SRPK2: variants seen among roughly 807,000 people sequenced by gnomAD.
The protein encoded by SRPK2 is SFRS protein kinase 2.
Under a neutral mutation model 90.8 loss-of-function variants are expected in SRPK2, and 21 were observed. That is an observed-to-expected ratio of 0.23 (90% CI 0.16 to 0.33). The LOEUF is 0.33. SRPK2 is among the 10% of genes least tolerant of loss of function. The pLI is 1.00. For synonymous variants in SRPK2, 288 were observed against 311.1 expected (o/e 0.93, Z 0.78); for missense variants, 620 against 869.0 (o/e 0.71, Z 3.60).
chr7:105,293,500 C>A (rs1429058605), intron 2 of SRPK2, among the ~76,000 whole-genome samples: 1 of 152,024 alleles, frequency 6.6e-6, no homozygotes, highest in Admixed American at 6.5e-5. Context: ...CCTCCACCCC[C>A]CACCCCGCCC....
upstream of SRPK2, chr7:105,389,529 ACAG>A (rs1201568993): frequency 4.0e-4 from 292 of 726,336 alleles, 1 homozygote; most frequent in Non-Finnish European, 4.0e-4. Context: ...AGGAAAAGAT[ACAG>A]ATAGCATTCA....
intron 2 of SRPK2, among the ~76,000 whole-genome samples, chr7:105,257,167 T>G (rs1406700271): frequency 6.6e-6 from 1 of 152,214 alleles, no homozygotes; most frequent in African/African-American, 2.4e-5. Flanking sequence ...AAGTGGCTAG[T>G]GCATAGCAGC....
intron 1 of SRPK2, among the ~76,000 whole-genome samples, chr7:105,397,435 T>G (rs1255768770): frequency 1.3e-5 from 2 of 151,580 alleles, no homozygotes; most frequent in African/African-American, 4.9e-5. Context: ...GTTCAAACAA[T>G]TCTCCTGCCT....
chr7:105,255,901 G>C (rs1022848786), intron 2 of SRPK2, among the ~76,000 whole-genome samples: 29 of 151,202 alleles, frequency 1.9e-4, no homozygotes, highest in African/African-American at 6.8e-4. Flanking sequence ...TCCAGCCTGG[G>C]CGATAGTGTG....
At chr7:105,264,025 T>TG (rs962976150) in intron 2 of SRPK2, among the ~76,000 whole-genome samples, 1 of 152,192 alleles carries the variant, frequency 6.6e-6, no homozygotes, top group African/African-American at 2.4e-5. Context: ...TCCTAGTCTT[T>TG]GCATTGCAAC....
chr7:105,145,246 ACATG>A, intron 9 of SRPK2, 33 bp downstream of exon 9: 5 of 1,532,244 alleles, frequency 3.3e-6, no homozygotes, highest in Non-Finnish European at 3.5e-6. Context: ...GTCTCTTTTA[ACATG>A]GTGCATATAA....
intron 2 of SRPK2, among the ~76,000 whole-genome samples, chr7:105,262,549 G>A (rs535644295): frequency 1.3e-5 from 2 of 152,262 alleles, no homozygotes; most frequent in African/African-American, 4.8e-5. Flanking sequence ...AAGGTTTGAC[G>A]AAAGAAGGTT....
rs1425839197 is a variant in SRPK2 at position 105,167,461 on chromosome 7, G to A, written c.430C>T (p.Arg144Ter). The A allele has an allele frequency of 1.2e-6, 2 of 1,612,802 alleles. No homozygotes were observed. Among genetic ancestry groups the A allele is most frequent in the Non-Finnish European group, 8.5e-7 (1 of 1,179,142 alleles). The change falls in exon 6 of 16, where the codon CGA (arginine) becomes TGA (stop). Residue 144 changes from arginine to a stop codon, truncating the protein, a stop_gained. Coordinates refer to ENST00000393651, the MANE Select transcript of SRPK2 (RefSeq NM_182692.3). LOFTEE classifies it high-confidence loss of function. ...TTTGGGTCACTGGGATCACTTTCTC[G>A]AACCTATGCCAAGAAAAATGAATGC... is the stretch of plus-strand genomic sequence containing the variant. Reference protein sequence around the residue: ...LDEIKLLKCVRESDPSDPNKD... With the variant: ...LDEIKLLKCV
chr7:105,115,511 AAGGAAAAGATAGAT>A (rs1799568174), downstream of SRPK2: 2 of 152,286 alleles, frequency 1.3e-5, no homozygotes, highest in Non-Finnish European at 1.5e-5. Flanking sequence ...GGACTACAGA[AAGGAAAAGATAGAT>A]AGGACATTCA....
chr7:105,160,120 A>T (rs1214018359), intron 7 of SRPK2, among the ~76,000 whole-genome samples: 1 of 152,202 alleles, frequency 6.6e-6, no homozygotes, highest in Admixed American at 6.5e-5. Flanking sequence ...CTATTATTTA[A>T]TCTCCATCCA....
At chr7:105,234,358 G>T (rs1799876710) in intron 2 of SRPK2, among the ~76,000 whole-genome samples, 1 of 152,044 alleles carries the variant, frequency 6.6e-6, no homozygotes, top group South Asian at 2.1e-4. Flanking sequence ...TTTCATCAAT[G>T]GATTGCTATT....
At chr7:105,255,633 T>C (rs1803164191) in intron 2 of SRPK2, among the ~76,000 whole-genome samples, 1 of 152,160 alleles carries the variant, frequency 6.6e-6, no homozygotes, top group Non-Finnish European at 1.5e-5. Context: ...ATATCCAAGT[T>C]GAGAAACGCA....
At position 105,197,240 on chromosome 7, in the gene SRPK2, T is replaced by G. The variant is rs573187341; in HGVS notation, c.229+6388A>C. Among the ~76,000 whole-genome samples the G allele has an allele frequency of 1.6e-3, 241 of 152,254 alleles. 1 individual carries two copies. The highest frequency in any genetic ancestry group is 3.0e-3 in the Non-Finnish European group (206 of 68,018). On this transcript the variant is annotated intron_variant, in intron 3 of 15. Transcript: ENST00000393651. The stretch of plus-strand genomic sequence containing the variant: ...GACACACATGGGTAAAGGCAATTTG[T>G]GTATAGGAAGAAACTCATCTGACAT...
chr7:105,169,341 T>C, intron 3 of SRPK2, 76 bp from the exon 4 acceptor site: 2 of 1,110,882 alleles, frequency 1.8e-6, no homozygotes, highest in Non-Finnish European at 2.7e-6. Flanking sequence ...TCTTTTGTCA[T>C]TCTTGATGTC....
chr7:105,157,590 T>G (rs1487022858), intron 7 of SRPK2, among the ~76,000 whole-genome samples: 1 of 152,176 alleles, frequency 6.6e-6, no homozygotes, highest in African/African-American at 2.4e-5. Flanking sequence ...ATATTTTTCT[T>G]AAAGAAAGAT....
chr7:105,389,429 A>C, upstream of SRPK2: 1 of 1,201,364 alleles, frequency 8.3e-7, no homozygotes, highest in Non-Finnish European at 1.1e-6. Context: ...AAAGCTGGGA[A>C]ACCTGGGTCC....
intron 2 of SRPK2, among the ~76,000 whole-genome samples, chr7:105,341,225 G>C (rs1181312683): frequency 1.3e-5 from 2 of 151,970 alleles, no homozygotes; most frequent in Non-Finnish European, 2.9e-5. Context: ...TTAACCAGGC[G>C]TGATGGCGCA....
chr7:105,145,231 A>G (rs546486947), intron 9 of SRPK2, 52 bp downstream of exon 9: 5 of 1,423,048 alleles, frequency 3.5e-6, no homozygotes, highest in African/African-American at 1.4e-5. Flanking sequence ...ACTCAATAAT[A>G]AACGGTCTCT....
intron 3 of SRPK2, among the ~76,000 whole-genome samples, chr7:105,181,098 C>A (rs1792727581): frequency 6.6e-6 from 1 of 152,088 alleles, no homozygotes; most frequent in Non-Finnish European, 1.5e-5. Flanking sequence ...GTACATGCGG[C>A]CAATAAGCAT....
Sources: gnomAD v4.1 joint callset for allele counts (sites outside exome capture counted in the v4.1 genomes callset) on GRCh38, gnomAD v4.1.1 for gene constraint, MANE v1.5 for transcripts, NCBI Gene and HGNC (gene_info 2026-07-23, HGNC 2026-07-21) for gene names.